Variants in RPS6KA2 observed in about 807,000 individuals in gnomAD.
The protein encoded by RPS6KA2 is ribosomal protein S6 kinase alpha-2.
Under a neutral mutation model 91.8 loss-of-function variants are expected in RPS6KA2, and 42 were observed. The observed-to-expected ratio is 0.46, with a 90% CI of 0.36 to 0.59. The LOEUF is 0.59. Among genes scored for constraint, RPS6KA2 ranks in the 20% least tolerant of loss-of-function variants. The pLI is 0.00. For synonymous variants in RPS6KA2, 414 were observed against 393.6 expected, an observed-to-expected ratio of 1.05 and a Z score of -0.61; for missense variants, 798 against 978.5, an observed-to-expected ratio of 0.82 and a Z score of 2.46.
At chr6:166,511,820 G>A (rs750328196) in intron 3 of RPS6KA2, among the ~76,000 whole-genome samples, 1 of 152,214 alleles carries the variant, frequency 6.6e-6, no homozygotes, top group Non-Finnish European at 1.5e-5. Context: ...AGGATGTGGA[G>A]AACTTGGAAC....
chr6:166,647,861 T>TAC (rs766868905), intron 2 of RPS6KA2, among the ~76,000 whole-genome samples: 2 of 67,926 alleles, frequency 2.9e-5, no homozygotes, highest in East Asian at 5.8e-4. Flanking sequence ...CACATGCTCA[T>TAC]ACACACATGC....
At chr6:166,683,715 A>C (rs1461604810) in intron 2 of RPS6KA2, among the ~76,000 whole-genome samples, 1 of 152,250 alleles carries the variant, frequency 6.6e-6, no homozygotes, top group African/African-American at 2.4e-5. Context: ...AGAACACAGA[A>C]GGGAAACACA....
At chr6:166,555,753 C>A (rs576536249) in intron 1 of RPS6KA2, among the ~76,000 whole-genome samples, 16 of 152,174 alleles carry the variant, frequency 1.1e-4, no homozygotes, top group Non-Finnish European at 2.4e-4. Context: ...GACACAGAAT[C>A]ATCATGGAAC....
chr6:166,582,123 A>G (rs1370917915), intron 1 of RPS6KA2, among the ~76,000 whole-genome samples: 1 of 130,388 alleles, frequency 7.7e-6, no homozygotes, highest in East Asian at 2.3e-4. Context: ...GGGCCCAGGG[A>G]GAGGTGAGAT....
rs1019295956 is a variant in RPS6KA2 at position 166,437,988 on chromosome 6, G to A, written c.1333-5498C>T. ...CAGATGGCTTTGAGGCAGTAACTAC[G>A]CGGGCAGTGGCATGAGCTCACAGGC... is the stretch of plus-strand genomic sequence containing the variant. On this transcript the variant is annotated intron_variant, in intron 14 of 20. Transcript: ENST00000265678. This position sits in a 1 kb window ranked among gnomAD's most constrained non-coding sequence, Gnocchi z 4.3. Among the ~76,000 whole-genome samples the A allele has an allele frequency of 3.9e-5, 6 of 152,180 alleles. No individual in the cohort carries two copies. Among genetic ancestry groups the A allele is most frequent in the Admixed American group, 1.3e-4 (2 of 15,276 alleles).
Position 166,846,229 on chromosome 6 carries a change from C to CAA in RPS6KA2, c.123+11969_123+11970dup, listed in dbSNP as rs34677101. Among the ~76,000 whole-genome samples the CAA allele has an allele frequency of 4.4e-3, 664 of 150,460 alleles. 10 individuals are homozygous for CAA. Among genetic ancestry groups the CAA allele is most frequent in the African/African-American group, 0.015 (614 of 41,068 alleles). ...GAAGTGGTAATTTTTAAATTGCCAA[C>CAA]AAAAAAAAAGTCCAGAACCAGATGT... On this transcript the variant is annotated intron_variant, in intron 2 of 21. Coordinates refer to the RPS6KA2 transcript ENST00000503859.
chr6:166,813,945 T>C (rs1416927661), intron 2 of RPS6KA2, among the ~76,000 whole-genome samples: 1 of 152,262 alleles, frequency 6.6e-6, no homozygotes, highest in Non-Finnish European at 1.5e-5. Context: ...TGCACTTCAA[T>C]GTTTAATGAT....
At chr6:166,443,670 C>A (rs1487590382) in intron 14 of RPS6KA2, among the ~76,000 whole-genome samples, 1 of 152,116 alleles carries the variant, frequency 6.6e-6, no homozygotes, top group Non-Finnish European at 1.5e-5. Flanking sequence ...TGATTTAATG[C>A]TGAATCTATG....
At chr6:166,478,925 G>A (rs1781083255) in intron 10 of RPS6KA2, among the ~76,000 whole-genome samples, 1 of 152,232 alleles carries the variant, frequency 6.6e-6, no homozygotes, top group Admixed American at 6.5e-5. Context: ...GCACAGAGAG[G>A]TGAAGCCATC....
chr6:166,808,932 T>A (rs1779563452), intron 2 of RPS6KA2, among the ~76,000 whole-genome samples: 1 of 152,196 alleles, frequency 6.6e-6, no homozygotes, highest in African/African-American at 2.4e-5. Flanking sequence ...AAAAACAGGG[T>A]ACAGAGGCGA....
intron 1 of RPS6KA2, among the ~76,000 whole-genome samples, chr6:166,620,604 A>AG (rs1416396424): frequency 3.3e-5 from 5 of 152,228 alleles, no homozygotes; most frequent in Non-Finnish European, 5.9e-5. Context: ...GTGTATTCAA[A>AG]GGGGCAAGGA....
chr6:166,464,768 C>T (rs950908150), intron 11 of RPS6KA2, among the ~76,000 whole-genome samples: 12 of 152,272 alleles, frequency 7.9e-5, no homozygotes, highest in Non-Finnish European at 1.0e-4. Flanking sequence ...GTTTGTAGTC[C>T]GATCATTAAC....
At chr6:166,670,729 A>G (rs1370274106) in intron 2 of RPS6KA2, among the ~76,000 whole-genome samples, 2 of 152,214 alleles carry the variant, frequency 1.3e-5, no homozygotes, top group Non-Finnish European at 2.9e-5. Flanking sequence ...TTGAAACGCA[A>G]CAATTGATAG....
In RPS6KA2 at chr6:166,635,719, G is replaced by A. The variant is rs1787215896; in HGVS notation, c.124-96935C>T. 2.0e-5 allele frequency among the ~76,000 whole-genome samples: 3 copies of A among 152,108 alleles called. No homozygotes were observed. In the South Asian group the frequency reaches 6.2e-4, roughly 32 times the overall value. The stretch of plus-strand genomic sequence containing the variant: ...CAGGAGGATGCCATGAGCATCACCT[G>A]GGTGTGTCTGCAGAAGGACGTTCAA... On this transcript the variant is annotated intron_variant, in intron 2 of 21. Coordinates refer to the RPS6KA2 transcript ENST00000503859. This position sits in a 1 kb window ranked among gnomAD's most constrained non-coding sequence, Gnocchi z 4.8.
rs575900878 is a variant in RPS6KA2 at position 166,495,555 on chromosome 6, C to T, written c.747+2953G>A. ...GGACTCCAGGATGGGTGAAGGCTGC[C>T]GGGCACTGGGTCTGGGTGTGAGTGC... is the stretch of plus-strand genomic sequence containing the variant. On this transcript the variant is annotated intron_variant, in intron 8 of 20. Coordinates refer to ENST00000265678, the MANE Select transcript of RPS6KA2 (RefSeq NM_021135.6). This position sits in a 1 kb window ranked among gnomAD's most constrained non-coding sequence, Gnocchi z 4.4. 6.6e-6 allele frequency among the ~76,000 whole-genome samples: 1 copy of T among 152,226 alleles called. No homozygotes were observed. Among genetic ancestry groups the T allele is most frequent in the Admixed American group, 6.5e-5 (1 of 15,296 alleles).
At chr6:166,562,571 T>C (rs752397435) in intron 1 of RPS6KA2, among the ~76,000 whole-genome samples, 3 of 152,202 alleles carry the variant, frequency 2.0e-5, no homozygotes, top group African/African-American at 7.2e-5. Context: ...ATAAAATTCA[T>C]TCCCAAACTG....
intron 2 of RPS6KA2, among the ~76,000 whole-genome samples, chr6:166,764,082 C>G (rs1409842167): frequency 6.6e-6 from 1 of 152,200 alleles, no homozygotes; most frequent in East Asian, 1.9e-4. Flanking sequence ...TGCGGGGCTT[C>G]TGAGTGCCCT....
intron 1 of RPS6KA2, among the ~76,000 whole-genome samples, chr6:166,625,046 A>G (rs890773478): frequency 1.3e-5 from 2 of 151,986 alleles, no homozygotes; most frequent in Non-Finnish European, 2.9e-5. Flanking sequence ...GTTGGCCAGA[A>G]TGGTCTCGAT....
intron 1 of RPS6KA2, among the ~76,000 whole-genome samples, chr6:166,615,175 A>C (rs914507123): frequency 6.6e-6 from 1 of 152,098 alleles, no homozygotes; most frequent in Non-Finnish European, 1.5e-5. Flanking sequence ...TCAGAAGTTC[A>C]GTTCTGATAA....
Sources: gnomAD v4.1 joint callset for allele counts (sites outside exome capture counted in the v4.1 genomes callset) on GRCh38, gnomAD v4.1.1 for gene constraint, Gnocchi (gnomAD v3.1) non-coding constraint, MANE v1.5 for transcripts, NCBI Gene and HGNC (gene_info 2026-07-23, HGNC 2026-07-21) for gene names.